GRAP2: variants seen among roughly 807,000 people sequenced by gnomAD.
GRAP2 encodes GRB2 related adaptor protein 2, also known as GRB2-related adapter protein 2.
GRAP2 carries 31 observed loss-of-function variants against 43.5 expected under a neutral mutation model. The observed-to-expected ratio is 0.71, with a 90% CI of 0.54 to 0.96. The LOEUF is 0.96. Among genes scored for constraint, GRAP2 ranks in the 40% least tolerant of loss-of-function variants. The probability of loss-of-function intolerance (pLI) is 0.00; values close to 1 mark genes in which losing one functional copy is unlikely to be tolerated. For missense variants in GRAP2, 371 were observed against 424.4 expected, an observed-to-expected ratio of 0.87 and a Z score of 1.11; for synonymous variants, 156 against 164.8, an observed-to-expected ratio of 0.95 and a Z score of 0.41.
At chr22:39,924,131 A>G (rs540848774) in intron 1 of GRAP2, among the ~76,000 whole-genome samples, 2 of 152,368 alleles carry the variant, frequency 1.3e-5, no homozygotes, top group Non-Finnish European at 2.9e-5. Context: ...CAGAGTGATT[A>G]TTCCTCCTGG....
chr22:39,905,546 A>G (rs1046129935), intron 1 of GRAP2, among the ~76,000 whole-genome samples: 2 of 152,146 alleles, frequency 1.3e-5, no homozygotes, highest in African/African-American at 4.8e-5. Context: ...ATCTCGTGGG[A>G]TTGTTCTGAA....
chr22:39,909,323 A>G (rs369196149), intron 1 of GRAP2, among the ~76,000 whole-genome samples: 16 of 152,360 alleles, frequency 1.1e-4, no homozygotes, highest in African/African-American at 3.8e-4. Context: ...GGAACAAAAA[A>G]GATGGAGCTT....
intron 1 of GRAP2, among the ~76,000 whole-genome samples, chr22:39,905,622 A>G (rs1444505561): frequency 1.3e-5 from 2 of 152,236 alleles, no homozygotes; most frequent in African/African-American, 2.4e-5. Context: ...TTTGCCAAGC[A>G]TTGTTCTAAT....
intron 4 of GRAP2, 141 bp from the exon 5 acceptor site, chr22:39,965,849 C>A: frequency 1.4e-6 from 1 of 726,770 alleles, no homozygotes; most frequent in Admixed American, 2.3e-5. Flanking sequence ...ACTGGGCTGG[C>A]CCACCTGCCC....
chr22:39,960,074 T>C lies in GRAP2; in HGVS notation c.190T>C (p.Ser64Pro). 1 of 1,613,558 alleles carries C rather than the reference T, an allele frequency of 6.2e-7. No individual in the cohort carries two copies. Among genetic ancestry groups the C allele is most frequent in the Non-Finnish European group, 8.5e-7 (1 of 1,179,480 alleles). Residue 64 changes from serine to proline, a missense_variant, in exon 4 of 8, where the codon TCT (serine) becomes CCT (proline). Transcript: ENST00000344138. Reference sequence around the variant, plus strand: ...CCACAGATGGTTTCACGAAGGCCTCTCTCGACACCAGGCAGAGAACTTACT... The same window carrying C: ...CCACAGATGGTTTCACGAAGGCCTCCCTCGACACCAGGCAGAGAACTTACT... ...QFPKWFHEGL[S>P]RHQAENLLMG... is the part of the protein sequence containing the mutation.
At position 39,922,907 on chromosome 22, in the gene GRAP2, C is replaced by T. The variant is rs192768437; in HGVS notation, c.-15+21577C>T. On this transcript the variant is annotated intron_variant, in intron 1 of 7. Coordinates refer to ENST00000344138, the MANE Select transcript of GRAP2 (RefSeq NM_004810.4). ...AATACAAAAAATTAGCTGGGCATGG[C>T]GGCATGCGCCTGTAGTCCCAGCTAT... Among the ~76,000 whole-genome samples, 17 of 152,086 alleles carry T rather than the reference C, an allele frequency of 1.1e-4. No individual in the cohort carries two copies. In the East Asian group the frequency reaches 2.9e-3, roughly 26 times the overall value.
At chr22:39,893,866 C>G in the GRAP2 span, 1 of 152,204 alleles carries the variant, frequency 6.6e-6, no homozygotes, top group Non-Finnish European at 1.5e-5. Flanking sequence ...GATACCTGAG[C>G]TGGAGGGTAC....
At chr22:39,966,184 A>T (rs776685904) in intron 5 of GRAP2, 26 bp downstream of exon 5, 1 of 1,600,292 alleles carries the variant, frequency 6.2e-7, no homozygotes, top group South Asian at 1.1e-5. Context: ...AGTCGACCCC[A>T]ATCTAGAGAT....
chr22:39,932,716 CAAAA>C (rs34623445), intron 1 of GRAP2, among the ~76,000 whole-genome samples: 3 of 95,344 alleles, frequency 3.1e-5, no homozygotes, highest in East Asian at 2.5e-4. Context: ...ATACCTGTCT[CAAAA>C]AAAAAAAAAA....
chr22:39,940,528 G>A (rs758692553), intron 1 of GRAP2, among the ~76,000 whole-genome samples: 1 of 152,000 alleles, frequency 6.6e-6, no homozygotes, highest in African/African-American at 2.4e-5. Context: ...AGGGCCATCT[G>A]TAACCTTTCT....
intron 1 of GRAP2, among the ~76,000 whole-genome samples, chr22:39,927,267 C>T (rs547655344): frequency 2.2e-4 from 33 of 152,296 alleles, no homozygotes; most frequent in Admixed American, 1.4e-3. Context: ...CTCGGCCCGC[C>T]GGCATGTGCA....
chr22:39,953,250 T>C (rs1347575927), intron 2 of GRAP2, among the ~76,000 whole-genome samples: 1 of 152,154 alleles, frequency 6.6e-6, no homozygotes, highest in African/African-American at 2.4e-5. Context: ...TTCTTCTTAG[T>C]TGAAGAATTC....
chr22:39,923,519 C>T (rs542793849), intron 1 of GRAP2, among the ~76,000 whole-genome samples: 7 of 152,224 alleles, frequency 4.6e-5, no homozygotes, highest in African/African-American at 1.7e-4. Flanking sequence ...AATTGTCTCC[C>T]CTGCCTCCCC....
intron 1 of GRAP2, 200 bp from the exon 2 acceptor site, chr22:39,946,893 T>A: frequency 2.0e-6 from 1 of 511,074 alleles, no homozygotes. Context: ...CCGAGAATGA[T>A]CCCAGGACCT....
intron 1 of GRAP2, among the ~76,000 whole-genome samples, chr22:39,913,929 G>C (rs542482479): frequency 2.5e-4 from 38 of 152,222 alleles, no homozygotes; most frequent in African/African-American, 7.9e-4. Context: ...CCTGCACACA[G>C]TGTGATTTCT....
intron 7 of GRAP2, 148 bp from the exon 8 acceptor site, chr22:39,970,755 TAC>T: frequency 1.6e-6 from 1 of 634,036 alleles, no homozygotes; most frequent in Middle Eastern, 4.3e-4. Flanking sequence ...ACCCCATCTC[TAC>T]AAAAAAAGTT....
At chr22:39,897,165 T>C (rs2066469167), upstream of GRAP2, among the ~76,000 whole-genome samples, 1 of 152,208 alleles carries the variant, frequency 6.6e-6, no homozygotes, top group Non-Finnish European at 1.5e-5. Context: ...CCTCTACTCC[T>C]GGTCTTGCCT....
At chr22:39,922,213 A>G (rs1418789225) in intron 1 of GRAP2, among the ~76,000 whole-genome samples, 1 of 152,216 alleles carries the variant, frequency 6.6e-6, no homozygotes, top group Non-Finnish European at 1.5e-5. Flanking sequence ...ATCATTACAA[A>G]TGCCTTTCCA....
chr22:39,963,553 G>T (rs2067140220), intron 4 of GRAP2, among the ~76,000 whole-genome samples: 1 of 152,298 alleles, frequency 6.6e-6, no homozygotes, highest in East Asian at 1.9e-4. Flanking sequence ...CCAAGGGGAA[G>T]ACCACAAAGT....
Sources: allele counts gnomAD v4.1 joint callset (sites outside exome capture counted in the v4.1 genomes callset), GRCh38; gene constraint gnomAD v4.1.1; transcripts MANE v1.5; gene names NCBI Gene and HGNC (gene_info 2026-07-23, HGNC 2026-07-21).